Variants in FMN2 observed in about 807,000 individuals in gnomAD.
FMN2 encodes the protein formin-2.
A neutral mutation model predicts 142.3 loss-of-function variants in FMN2; 51 were observed. The observed-to-expected ratio is 0.36, with a 90% confidence interval of 0.29 to 0.45. The LOEUF (loss-of-function observed/expected upper bound fraction) is 0.45, where lower values mean the gene tolerates loss of function less well. FMN2 is among the 20% of genes least tolerant of loss of function. The probability of loss-of-function intolerance (pLI) is 1.00; values close to 1 mark genes in which losing one functional copy is unlikely to be tolerated. For synonymous variants in FMN2, 882 were observed against 869.8 expected, an observed-to-expected ratio of 1.01 and a Z score of -0.25; for missense variants, 1,936 against 2,122.8, an observed-to-expected ratio of 0.91 and a Z score of 1.73.
chr1:240,215,711 C>A (rs1666869050), intron 6 of FMN2, among the ~76,000 whole-genome samples: 1 of 151,666 alleles, frequency 6.6e-6, no homozygotes, highest in South Asian at 2.1e-4. Flanking sequence ...TAGCAGATTT[C>A]TTTCTTTCTT....
intron 8 of FMN2, among the ~76,000 whole-genome samples, chr1:240,318,257 G>A (rs950564255): frequency 6.6e-6 from 1 of 152,280 alleles, no homozygotes; most frequent in East Asian, 1.9e-4. Context: ...GCGCTGGAGT[G>A]ACAGTTCAGC....
chr1:240,191,398 C>T (rs1255512024), intron 4 of FMN2, among the ~76,000 whole-genome samples: 6 of 152,250 alleles, frequency 3.9e-5, no homozygotes, highest in East Asian at 1.9e-4. Flanking sequence ...GTGAAAAGAA[C>T]GGACTGTAGC....
intron 8 of FMN2, among the ~76,000 whole-genome samples, chr1:240,323,071 G>C (rs978358010): frequency 6.6e-6 from 1 of 151,614 alleles, no homozygotes; most frequent in African/African-American, 2.4e-5. Context: ...CCCCTTGTTT[G>C]CATTCCTCAC....
At chr1:240,282,254 G>A (rs1445789026) in intron 7 of FMN2, among the ~76,000 whole-genome samples, 1 of 152,128 alleles carries the variant, frequency 6.6e-6, no homozygotes, top group Non-Finnish European at 1.5e-5. Flanking sequence ...ATGCACAGCT[G>A]GTTAGTCACA....
chr1:240,243,182 T>C (rs538426059), intron 6 of FMN2, among the ~76,000 whole-genome samples: 64 of 152,174 alleles, frequency 4.2e-4, no homozygotes, highest in Non-Finnish European at 7.6e-4. Flanking sequence ...CTCTGCAAAA[T>C]CTCATGCAAG....
At chr1:240,174,521 A>AT (rs112625736) in intron 2 of FMN2, among the ~76,000 whole-genome samples, 1,858 of 152,194 alleles carry the variant, frequency 0.012, 40 homozygotes, top group African/African-American at 0.043. Flanking sequence ...TCCCTGGCTA[A>AT]TTTTTTAAAA....
chr1:240,228,704 C>T lies in FMN2; in HGVS notation c.4065+17469C>T, dbSNP rs137931733. ...AAGGTAAATAATTTTGCTGGTAGCA[C>T]TTGTTACCCATAGAATGATCATGAT... On this transcript the variant is annotated intron_variant, in intron 6 of 17. Transcript: ENST00000319653. 1.3e-3 allele frequency among the ~76,000 whole-genome samples: 192 copies of T among 152,198 alleles called. 1 individual carries two copies. Among genetic ancestry groups the T allele is most frequent in the Admixed American group, 3.3e-3 (50 of 15,284 alleles).
chr1:240,341,489 G>A (rs912445661), intron 13 of FMN2: 3 of 151,358 alleles, frequency 2.0e-5, no homozygotes, highest in Non-Finnish European at 2.9e-5. Context: ...AAAAAAAAAA[G>A]TCAGGAAATT....
intron 2 of FMN2, among the ~76,000 whole-genome samples, chr1:240,130,321 G>C (rs1662684457): frequency 6.6e-6 from 1 of 151,872 alleles, no homozygotes; most frequent in Non-Finnish European, 1.5e-5. Flanking sequence ...TATTTATTTT[G>C]AGACAGAGTC....
chr1:240,414,341 A>G lies in FMN2; in HGVS notation c.4910+21779A>G, dbSNP rs552429664. Among the ~76,000 whole-genome samples the G allele has an allele frequency of 6.6e-5, 10 of 152,338 alleles. No homozygotes were observed. The South Asian group carries it at 1.9e-3, about 28-fold the overall frequency. On this transcript the variant is annotated intron_variant, in intron 15 of 17. Transcript: ENST00000319653. ...TAGTACCCATTTTGCAGGTGAGGAA[A>G]TGAAGAGAGAGAACTTCACGTCTGT...
chr1:240,182,771 A>T (rs1665203649), intron 3 of FMN2, among the ~76,000 whole-genome samples: 1 of 152,188 alleles, frequency 6.6e-6, no homozygotes, highest in Admixed American at 6.5e-5. Context: ...AGAAAGGGGA[A>T]TGTGAGTGTC....
At chr1:240,470,322 G>T (rs1002113480) in intron 16 of FMN2, among the ~76,000 whole-genome samples, 55 of 151,976 alleles carry the variant, frequency 3.6e-4, no homozygotes, top group African/African-American at 1.3e-3. Context: ...TTGTTATAAA[G>T]AAAATGTTTT....
intron 4 of FMN2, among the ~76,000 whole-genome samples, chr1:240,189,255 T>C (rs757836405): frequency 6.6e-6 from 1 of 152,044 alleles, no homozygotes; most frequent in Non-Finnish European, 1.5e-5. Context: ...TATAAAACCA[T>C]TGCTTACAAA....
chr1:240,129,795 C>T (rs1662661573), intron 2 of FMN2, among the ~76,000 whole-genome samples: 1 of 152,152 alleles, frequency 6.6e-6, no homozygotes, highest in Non-Finnish European at 1.5e-5. Flanking sequence ...AGCCATCACG[C>T]CCAGCCACCA....
chr1:240,306,690 A>G (rs1385104867), intron 8 of FMN2, among the ~76,000 whole-genome samples: 3 of 152,200 alleles, frequency 2.0e-5, no homozygotes, highest in Non-Finnish European at 2.9e-5. Context: ...TGCTATTGCA[A>G]ATAGTGCTGT....
At chr1:240,168,771 G>A (rs916027758) in intron 2 of FMN2, among the ~76,000 whole-genome samples, 2 of 152,152 alleles carry the variant, frequency 1.3e-5, no homozygotes, top group African/African-American at 4.8e-5. Context: ...AGTGGAACCA[G>A]GAATGAGACT....
intron 14 of FMN2, among the ~76,000 whole-genome samples, chr1:240,378,478 G>A (rs1673121181): frequency 6.6e-6 from 1 of 152,110 alleles, no homozygotes; most frequent in South Asian, 2.1e-4. Context: ...GAGGTTAATT[G>A]GGCTTTTGGA....
chr1:240,122,579 G>A (rs548703350), intron 1 of FMN2, among the ~76,000 whole-genome samples: 1 of 152,170 alleles, frequency 6.6e-6, no homozygotes, highest in African/African-American at 2.4e-5. Context: ...CACCATGTCT[G>A]GCCTTGGATC....
intron 16 of FMN2, among the ~76,000 whole-genome samples, chr1:240,456,751 C>A (rs116267442): frequency 1.3e-5 from 2 of 152,168 alleles, no homozygotes; most frequent in Non-Finnish European, 2.9e-5. Context: ...CCACTGCACC[C>A]GGCGGAAGAG....
Sources: allele counts gnomAD v4.1 joint callset (sites outside exome capture counted in the v4.1 genomes callset), GRCh38; gene constraint gnomAD v4.1.1; transcripts MANE v1.5; gene names NCBI Gene and HGNC (gene_info 2026-07-23, HGNC 2026-07-21).